The following IFI44L variants were observed in gnomAD, a reference collection of about 807,000 sequenced individuals.
IFI44L encodes interferon induced protein 44 like.
Under a neutral mutation model 39.3 loss-of-function variants are expected in IFI44L, and 40 were observed. That is an observed-to-expected ratio of 1.02 (90% CI 0.79 to 1.33). IFI44L has a LOEUF of 1.33. Among genes scored for constraint, IFI44L ranks in the 40% most tolerant of loss-of-function variants. The pLI is 0.00. For missense variants in IFI44L, 623 were observed against 549.0 expected, an observed-to-expected ratio of 1.13 and a Z score of -1.35; for synonymous variants, 198 against 182.3, an observed-to-expected ratio of 1.09 and a Z score of -0.69.
At chr1:78,636,540 T>C (rs980471166) in intron 5 of IFI44L, among the ~76,000 whole-genome samples, 1 of 152,140 alleles carries the variant, frequency 6.6e-6, no homozygotes, top group African/African-American at 2.4e-5. Flanking sequence ...TCAAATTTGG[T>C]ATTTCTTTTA....
chr1:78,624,724 T>A (rs1352284110), intron 1 of IFI44L, among the ~76,000 whole-genome samples: 2 of 152,212 alleles, frequency 1.3e-5, no homozygotes, highest in East Asian at 3.8e-4. Context: ...TCCCTTCAAT[T>A]CTTTCAGTGT....
chr1:78,641,041 C>T lies in IFI44L; in HGVS notation c.1069C>T (p.Leu357Phe), dbSNP rs1646976849. The T allele has an allele frequency of 6.2e-7, 1 of 1,611,526 alleles. No individual in the cohort carries two copies. Among genetic ancestry groups the T allele is most frequent in the Non-Finnish European group, 8.5e-7 (1 of 1,178,034 alleles). Residue 357 changes from leucine (L) to phenylalanine (F), a missense_variant, in exon 7 of 9, where the codon CTT (leucine) becomes TTT (phenylalanine). Leu to Phe is a conservative substitution (Grantham distance 22). Transcript: ENST00000370751. The stretch of plus-strand genomic sequence containing the variant: ...TATAGGTATAGCATATGTGGCCTTG[C>T]TTACTAAAGTGGATGATTGCAGTGA... ...LNCGIAYVAL[L>F]TKVDDCSEVL...
chr1:78,626,077 A>G (rs546221215), intron 1 of IFI44L: 4 of 151,896 alleles, frequency 2.6e-5, no homozygotes, highest in African/African-American at 9.6e-5. Context: ...TTTCTGGTTC[A>G]TATATCTTAA....
At chr1:78,641,253 T>C (rs1212856453) in intron 7 of IFI44L, 132 bp downstream of exon 7, 5 of 854,172 alleles carry the variant, frequency 5.9e-6, no homozygotes, top group Non-Finnish European at 9.2e-6. Context: ...ATGGGATCAA[T>C]TGCTTGATTA....
intron 4 of IFI44L, among the ~76,000 whole-genome samples, chr1:78,634,894 T>C (rs1652882847): frequency 6.6e-6 from 1 of 151,656 alleles, no homozygotes; most frequent in Admixed American, 6.6e-5. Flanking sequence ...GTTACAAATA[T>C]GTTTATTTTT....
At chr1:78,625,055 CTTCTTTCTTTCCT>C (rs1230091564) in intron 1 of IFI44L, among the ~76,000 whole-genome samples, 7 of 149,872 alleles carry the variant, frequency 4.7e-5, no homozygotes, top group Non-Finnish European at 1.0e-4. Flanking sequence ...CAGTATTATC[CTTCTTTCTTTCCT>C]TCCTTTTTTT....
Position 78,628,096 on chromosome 1 carries a change from A to G in IFI44L, c.181A>G (p.Ile61Val), listed in dbSNP as rs200462252. The G allele has an allele frequency of 1.9e-5, 31 of 1,612,914 alleles. No homozygotes were observed. Among genetic ancestry groups the G allele is most frequent in the Non-Finnish European group, 5.1e-6 (6 of 1,179,500 alleles). Residue 61 changes from isoleucine to valine, a missense_variant, in exon 2 of 9, where the codon ATT (isoleucine) becomes GTT (valine). Physicochemically the swap from Ile to Val is conservative, Grantham distance 29. Coordinates refer to ENST00000370751, the MANE Select transcript of IFI44L (RefSeq NM_006820.4). ...AATGGCTTACATTGATTACAATATG[A>G]TTGTAGCCTTTATGCTTGGAAATTA... ...ITMAYIDYNM[I>V]VAFMLGNYIN...
At chr1:78,635,213 C>T (rs1652899628) in intron 4 of IFI44L, 124 bp from the exon 5 acceptor site, 1 of 706,944 alleles carries the variant, frequency 1.4e-6, no homozygotes. Context: ...CTAAAGGGGT[C>T]CTGAGACCAA....
chr1:78,626,787 AG>A (rs1652506253), intron 1 of IFI44L: 1 of 151,932 alleles, frequency 6.6e-6, no homozygotes, highest in African/African-American at 2.4e-5. Context: ...CCATCACTCA[AG>A]TAGTGTACAT....
In IFI44L at chr1:78,637,129, T is replaced by C; in HGVS notation, c.974T>C (p.Ile325Thr). The C allele has an allele frequency of 6.2e-7, 1 of 1,608,944 alleles. No homozygotes were observed. The highest frequency in any genetic ancestry group is 8.5e-7 in the Non-Finnish European group (1 of 1,177,652). The change falls in exon 6 of 9, where the codon ATC becomes ACC. Residue 325 changes from isoleucine to threonine, a missense_variant. Coordinates refer to ENST00000370751, the MANE Select transcript of IFI44L (RefSeq NM_006820.4). ...CACTGTGTGGCTTATGTCTTAGACA[T>C]CAACTCTATTGACAATCTCTACTCT... ...RIHCVAYVLD[I>T]NSIDNLYSKM... is the part of the protein sequence containing the mutation.
At chr1:78,640,619 C>A (rs1646971533) in intron 6 of IFI44L, among the ~76,000 whole-genome samples, 1 of 151,926 alleles carries the variant, frequency 6.6e-6, no homozygotes, top group South Asian at 2.1e-4. Context: ...GGAGTAGGTC[C>A]CTATTAGAAC....
chr1:78,627,727 T>C, intron 1 of IFI44L, 179 bp from the exon 2 acceptor site: 1 of 374,048 alleles, frequency 2.7e-6, no homozygotes, highest in Non-Finnish European at 4.7e-6. Flanking sequence ...AAATTATATA[T>C]TTTTATATCT....
At chr1:78,631,811 G>C (rs979598050) in intron 4 of IFI44L, among the ~76,000 whole-genome samples, 1 of 151,958 alleles carries the variant, frequency 6.6e-6, no homozygotes, top group African/African-American at 2.4e-5. Flanking sequence ...CTTTTCTAGT[G>C]TATTGACACT....
At chr1:78,635,638 A>G (rs1249422698) in intron 5 of IFI44L, 149 bp downstream of exon 5, 1 of 672,130 alleles carries the variant, frequency 1.5e-6, no homozygotes, top group Non-Finnish European at 2.5e-6. Context: ...AAGAATTCAT[A>G]TGAAAAAGTA....
intron 1 of IFI44L, among the ~76,000 whole-genome samples, chr1:78,623,249 A>G (rs567800354): frequency 4.6e-5 from 7 of 152,282 alleles, no homozygotes; most frequent in African/African-American, 1.7e-4. Flanking sequence ...TAGAAGTGGT[A>G]AAAGTGGATA....
rs1647006549 is a variant in IFI44L, at chr1:78,643,114, A to G, written c.*1305A>G. On this transcript the variant is annotated 3_prime_UTR_variant, in exon 9 of 9. Coordinates refer to ENST00000370751, the MANE Select transcript of IFI44L (RefSeq NM_006820.4). ...CTAATTTAGTTTTAATCAGAATTAT[A>G]CTCATCTTTTGGGTAGTCATAGATA... 1 of 131,678 alleles carries G rather than the reference A, an allele frequency of 7.6e-6. No homozygotes were observed. Among genetic ancestry groups the G allele is most frequent in the Non-Finnish European group, 1.7e-5 (1 of 57,440 alleles). The allele number at this position is 131,678 out of a possible 1,614,324, so 8.2% of individuals were successfully genotyped here.
intron 1 of IFI44L, among the ~76,000 whole-genome samples, chr1:78,621,786 A>G (rs992244616): frequency 2.6e-5 from 4 of 151,974 alleles, no homozygotes; most frequent in Non-Finnish European, 4.4e-5. Context: ...ATATACTTAT[A>G]TTAATTTTAT....
At chr1:78,624,823 A>G (rs981591061) in intron 1 of IFI44L, among the ~76,000 whole-genome samples, 3 of 152,134 alleles carry the variant, frequency 2.0e-5, no homozygotes, top group Non-Finnish European at 4.4e-5. Flanking sequence ...TTTTCTTATT[A>G]TATGATGTCC....
intron 1 of IFI44L, among the ~76,000 whole-genome samples, chr1:78,622,441 A>G (rs1652310717): frequency 6.6e-6 from 1 of 152,172 alleles, no homozygotes; most frequent in African/African-American, 2.4e-5. Flanking sequence ...TATTGACCAT[A>G]CTAAACAATA....
Sources: allele counts gnomAD v4.1 joint callset (sites outside exome capture counted in the v4.1 genomes callset), GRCh38; gene constraint gnomAD v4.1.1; transcripts MANE v1.5; gene names NCBI Gene and HGNC (gene_info 2026-07-23, HGNC 2026-07-21).